AKAP6: variants seen among roughly 807,000 people sequenced by gnomAD.
AKAP6 encodes A-kinase anchor protein 6.
Under a neutral mutation model 188.5 loss-of-function variants are expected in AKAP6, and 58 were observed. That is an observed-to-expected ratio of 0.31 (90% CI 0.25 to 0.38). The LOEUF is 0.38. Among genes scored for constraint, AKAP6 ranks in the 10% least tolerant of loss-of-function variants. The pLI is 1.00. For missense variants in AKAP6, 2,710 were observed against 2,740.0 expected (o/e 0.99, Z 0.24); for synonymous variants, 989 against 998.6 (o/e 0.99, Z 0.18).
rs556569926 is a variant in AKAP6 at position 32,335,100 on chromosome 14, A to G, written c.-35+5692A>G. 1.8e-4 allele frequency among the ~76,000 whole-genome samples: 28 copies of G among 152,216 alleles called. No individual in the cohort carries two copies. The East Asian group carries it at 5.2e-3, about 28-fold the overall frequency. ...CAAGTGGTTAGGACTGCAGGTGCAC[A>G]TCACCCCACCTGGCTAGTAGAGCCT... On this transcript the variant is annotated intron_variant, in intron 1 of 13. Coordinates refer to ENST00000280979, the MANE Select transcript of AKAP6 (RefSeq NM_004274.5).
chr14:32,631,356 A>G (rs1309508081), intron 7 of AKAP6, among the ~76,000 whole-genome samples: 1 of 151,990 alleles, frequency 6.6e-6, no homozygotes, highest in East Asian at 1.9e-4. Flanking sequence ...TCGATTTTCC[A>G]CTTTCCAGAA....
intron 2 of AKAP6, among the ~76,000 whole-genome samples, chr14:32,499,101 G>T (rs17099181): frequency 0.05 from 7,578 of 151,998 alleles, 606 homozygotes; most frequent in African/African-American, 0.17. Flanking sequence ...CTGGTACCAT[G>T]GAGGATATAG....
intron 9 of AKAP6, among the ~76,000 whole-genome samples, chr14:32,697,221 G>T (rs994817618): frequency 6.6e-6 from 1 of 152,062 alleles, no homozygotes; most frequent in Non-Finnish European, 1.5e-5. Flanking sequence ...TCAAGGGTCT[G>T]GTTGACTTTA....
In AKAP6 at chr14:32,547,839, G is replaced by A. The variant is rs1469605157; in HGVS notation, c.2346+840G>A. Among the ~76,000 whole-genome samples the A allele has an allele frequency of 2.5e-5, 3 of 119,434 alleles. No homozygotes were observed. In the East Asian group the frequency reaches 6.6e-4, roughly 26 times the overall value. 78.4% of individuals were successfully genotyped at this position (119,434 alleles called of 152,430 possible). On this transcript the variant is annotated intron_variant, in intron 4 of 13. Coordinates refer to ENST00000280979, the MANE Select transcript of AKAP6 (RefSeq NM_004274.5). The stretch of plus-strand genomic sequence containing the variant: ...AACCTGGGCAACAGAGTGAGACCCT[G>A]TCTCAAAAAAAAAAAAAAATCTCAG...
chr14:32,370,111 G>A (rs1043825739), intron 1 of AKAP6, among the ~76,000 whole-genome samples: 8 of 152,228 alleles, frequency 5.3e-5, no homozygotes, highest in African/African-American at 1.9e-4. Context: ...TTCTAAGTCA[G>A]TATGTTGTGT....
chr14:32,805,823 A>G (rs908503223), intron 12 of AKAP6, among the ~76,000 whole-genome samples: 9 of 152,330 alleles, frequency 5.9e-5, no homozygotes, highest in Non-Finnish European at 1.3e-4. Context: ...AATATCAAAC[A>G]AAAGATGCTA....
At chr14:32,715,599 C>T (rs2030148473) in intron 9 of AKAP6, among the ~76,000 whole-genome samples, 1 of 151,806 alleles carries the variant, frequency 6.6e-6, no homozygotes, top group Admixed American at 6.6e-5. Context: ...GAGATAGATG[C>T]ATTGCAAAAT....
At chr14:32,377,417 A>G (rs2138537828) in intron 1 of AKAP6, among the ~76,000 whole-genome samples, 1 of 152,310 alleles carries the variant, frequency 6.6e-6, no homozygotes, top group Non-Finnish European at 1.5e-5. Context: ...TGAGAATAGA[A>G]GAGAGCCTTC....
intron 2 of AKAP6, among the ~76,000 whole-genome samples, chr14:32,530,244 C>G (rs1464336807): frequency 6.6e-6 from 1 of 151,996 alleles, no homozygotes; most frequent in African/African-American, 2.4e-5. Context: ...CCAGGCTGGT[C>G]TCGAACTCCT....
chr14:32,458,389 T>G (rs1438577408), intron 2 of AKAP6, among the ~76,000 whole-genome samples: 1 of 152,170 alleles, frequency 6.6e-6, no homozygotes. Context: ...TCATGAGTGG[T>G]AATGATGTTA....
chr14:32,365,834 C>T (rs1020232455), intron 1 of AKAP6, among the ~76,000 whole-genome samples: 1 of 152,190 alleles, frequency 6.6e-6, no homozygotes, highest in Non-Finnish European at 1.5e-5. Flanking sequence ...ATCTCAGCTT[C>T]CTGGCTGGCC....
chr14:32,367,847 T>C (rs1887881005), intron 1 of AKAP6, among the ~76,000 whole-genome samples: 2 of 152,200 alleles, frequency 1.3e-5, no homozygotes, highest in African/African-American at 4.8e-5. Flanking sequence ...TCTTCTCTGC[T>C]ATTTACTACT....
intron 11 of AKAP6, among the ~76,000 whole-genome samples, chr14:32,750,756 T>G (rs1271107643): frequency 3.6e-3 from 540 of 151,024 alleles, no homozygotes; most frequent in African/African-American, 0.01. Context: ...TTTTTGTTTT[T>G]TTTTCAGATG....
intron 12 of AKAP6, among the ~76,000 whole-genome samples, chr14:32,816,477 C>T (rs941589563): frequency 3.9e-5 from 6 of 152,216 alleles, no homozygotes; most frequent in South Asian, 2.1e-4. Flanking sequence ...ATTACAAGCA[C>T]GAGCCACTGT....
intron 2 of AKAP6, among the ~76,000 whole-genome samples, chr14:32,442,828 A>AGCTACCTTGAATAAGGTACCTATGCT (rs1250923366): frequency 4.9e-4 from 75 of 152,204 alleles, no homozygotes; most frequent in Non-Finnish European, 8.8e-4. Context: ...GGGTTGTCAT[A>AGCTACCTTGAATAAGGTACCTATGCT]GCTACCTTGA....
At chr14:32,377,195 C>G (rs1888183952) in intron 1 of AKAP6, among the ~76,000 whole-genome samples, 1 of 152,192 alleles carries the variant, frequency 6.6e-6, no homozygotes, top group Non-Finnish European at 1.5e-5. Flanking sequence ...AAATCAGTGC[C>G]TATCTATGCG....
intron 7 of AKAP6, among the ~76,000 whole-genome samples, chr14:32,658,065 C>CTGAGA (rs1888527058): frequency 6.6e-6 from 1 of 152,058 alleles, no homozygotes; most frequent in Non-Finnish European, 1.5e-5. Context: ...TTGTGCTAGT[C>CTGAGA]TGAGACCTCA....
At chr14:32,408,245 G>A (rs1378140470) in intron 1 of AKAP6, among the ~76,000 whole-genome samples, 1 of 152,058 alleles carries the variant, frequency 6.6e-6, no homozygotes, top group Non-Finnish European at 1.5e-5. Context: ...GAACAGGGAA[G>A]GAGGGGAAAA....
At chr14:32,619,080 G>C (rs1886708045) in intron 7 of AKAP6, among the ~76,000 whole-genome samples, 1 of 151,366 alleles carries the variant, frequency 6.6e-6, no homozygotes. Context: ...CCTGACATTA[G>C]TCCTTTGTCA....
Sources: gnomAD v4.1 joint callset for allele counts (sites outside exome capture counted in the v4.1 genomes callset) on GRCh38, gnomAD v4.1.1 for gene constraint, MANE v1.5 for transcripts, NCBI Gene and HGNC (gene_info 2026-07-23, HGNC 2026-07-21) for gene names.